Variants in RUFY1 observed in about 807,000 individuals in gnomAD.
RUFY1 encodes the protein RUN and FYVE domain containing 1.
RUFY1 carries 54 observed loss-of-function variants against 94.6 expected under a neutral mutation model. That is an observed-to-expected ratio of 0.57 (90% CI 0.46 to 0.72). The LOEUF (loss-of-function observed/expected upper bound fraction) is 0.72, where lower values mean the gene tolerates loss of function less well. Ranked by LOEUF, RUFY1 falls within the 30% of genes least tolerant of loss-of-function variation. The pLI, the probability that RUFY1 is intolerant of heterozygous loss-of-function variation, is 0.00. For synonymous variants in RUFY1, 396 were observed against 347.3 expected, an observed-to-expected ratio of 1.14 and a Z score of -1.56; for missense variants, 883 against 883.9, an observed-to-expected ratio of 1.00 and a Z score of 0.01.
At chr5:179,580,543 GT>G (rs899952426) in intron 6 of RUFY1, among the ~76,000 whole-genome samples, 3 of 134,608 alleles carry the variant, frequency 2.2e-5, no homozygotes, top group African/African-American at 8.0e-5. Flanking sequence ...CGCCTGGCCA[GT>G]TTTTTTTGTT....
At chr5:179,598,655 C>A (rs776394339) in intron 13 of RUFY1, 37 bp from the exon 14 acceptor site, 8 of 1,611,344 alleles carry the variant, frequency 5.0e-6, no homozygotes, top group Admixed American at 1.7e-5. Context: ...TGAAAGTCTC[C>A]CACTGAGACT....
chr5:179,562,428 T>C, intron 2 of RUFY1, 119 bp from the exon 3 acceptor site: 3 of 695,902 alleles, frequency 4.3e-6, no homozygotes, highest in South Asian at 3.4e-5. Context: ...TAAAAAAGGA[T>C]TAAGCAGTGA....
chr5:179,609,339 C>T (rs1767477562), intron 17 of RUFY1, 37 bp from the exon 18 acceptor site: 2 of 1,603,162 alleles, frequency 1.2e-6, no homozygotes, highest in Non-Finnish European at 1.7e-6. Flanking sequence ...TGGCTTTTCC[C>T]CGGGTGTCCT....
chr5:179,557,927 G>A (rs1279054295), intron 1 of RUFY1, among the ~76,000 whole-genome samples: 2 of 152,108 alleles, frequency 1.3e-5, no homozygotes, highest in Admixed American at 6.5e-5. Context: ...CCAGGTCACC[G>A]TATCAAGAGG....
chr5:179,596,760 C>G (rs1235604303), intron 13 of RUFY1, 79 bp downstream of exon 13: 2 of 936,058 alleles, frequency 2.1e-6, no homozygotes, highest in East Asian at 9.9e-5. Flanking sequence ...TGGTATCCTG[C>G]TTCAGCACGA....
At chr5:179,585,428 A>G (rs1005225372) in intron 7 of RUFY1, among the ~76,000 whole-genome samples, 32 of 151,996 alleles carry the variant, frequency 2.1e-4, no homozygotes, top group Non-Finnish European at 3.4e-4. Context: ...AATACAAAAA[A>G]ATTAGCCAGG....
Position 179,591,663 on chromosome 5 carries a change from C to A in RUFY1, c.1167C>A (p.Tyr389Ter). 1 of 1,613,264 alleles carries A rather than the reference C, an allele frequency of 6.2e-7. No individual in the cohort carries two copies. Among genetic ancestry groups the A allele is most frequent in the South Asian group, 1.1e-5 (1 of 90,912 alleles). ...ATACCAAAGTTGAGCTGGAGACTTA[C>A]AAGCAAACTCGGCAAGGTCTGGATG... ...KQDTKVELET[Y>*]KQTRQGLDEM... The change falls in exon 10 of 18, where the codon TAC becomes TAA. Residue 389 changes from tyrosine to a stop codon, truncating the protein, a stop_gained. Coordinates refer to ENST00000319449, the MANE Select transcript of RUFY1 (RefSeq NM_025158.5). LOFTEE classifies it high-confidence loss of function.
chr5:179,580,903 C>T, intron 6 of RUFY1, 44 bp from the exon 7 acceptor site: 1 of 1,070,026 alleles, frequency 9.3e-7, no homozygotes, highest in South Asian at 1.3e-5. Context: ...AAGTATTAAC[C>T]ATTAATAAAA....
rs1387616215 is a variant in RUFY1, at chr5:179,598,710, A to C, written c.1650A>C (p.Glu550Asp). 1 of 1,614,102 alleles carries C rather than the reference A, an allele frequency of 6.2e-7. No homozygotes were observed. The highest frequency in any genetic ancestry group is 1.3e-5 in the African/African-American group (1 of 74,928). The change falls in exon 14 of 18, where the codon GAA becomes GAC. Residue 550 changes from glutamate (E) to aspartate (D), a missense_variant. Transcript: ENST00000319449. ...AAAACAGCTCAAGCCTGGAGAAAGAATTGAAATCAGAAAAAGAGCAAAGAC... is the reference window on the plus strand; with the variant it reads ...AAAACAGCTCAAGCCTGGAGAAAGACTTGAAATCAGAAAAAGAGCAAAGAC... Reference protein sequence around the residue: ...LHEQCSSLEKELKSEKEQRQA... With the variant: ...LHEQCSSLEKDLKSEKEQRQA...
chr5:179,562,491 C>T, intron 2 of RUFY1, 56 bp from the exon 3 acceptor site: 1 of 978,478 alleles, frequency 1.0e-6, no homozygotes, highest in Non-Finnish European at 1.6e-6. Context: ...GCTGTGGGTC[C>T]CTGAAGAAAT....
chr5:179,555,621 C>CCTT (rs1762074552), intron 1 of RUFY1: 1 of 231,616 alleles, frequency 4.3e-6, no homozygotes, highest in African/African-American at 4.7e-5. Context: ...AAACTCCCAA[C>CCTT]TTTTTTTTTT....
At chr5:179,562,404 T>A (rs1762523584) in intron 2 of RUFY1, 143 bp from the exon 3 acceptor site, 2 of 634,010 alleles carry the variant, frequency 3.2e-6, no homozygotes, top group South Asian at 3.7e-5. Flanking sequence ...AGACTCCATC[T>A]CAAAAAAGAT....
chr5:179,596,272 C>T (rs1465731490), intron 12 of RUFY1: 2 of 450,896 alleles, frequency 4.4e-6, no homozygotes, highest in Non-Finnish European at 8.1e-6. Context: ...GAGAAAAAGT[C>T]AGTCTCAAGG....
intron 10 of RUFY1, 31 bp downstream of exon 10, chr5:179,591,772 A>G (rs202117151): frequency 5.4e-5 from 69 of 1,285,042 alleles, no homozygotes; most frequent in Non-Finnish European, 7.2e-5. Flanking sequence ...GTCTTTAGAA[A>G]GAGTTTCCCC....
intron 4 of RUFY1, among the ~76,000 whole-genome samples, chr5:179,568,076 C>A (rs987596490): frequency 6.6e-6 from 1 of 152,096 alleles, no homozygotes; most frequent in African/African-American, 2.4e-5. Flanking sequence ...AAAACCCCAT[C>A]TCTGCTAAAA....
intron 16 of RUFY1, 113 bp from the exon 17 acceptor site, chr5:179,607,469 G>C (rs935282762): frequency 1.2e-6 from 1 of 824,066 alleles, no homozygotes; most frequent in Non-Finnish European, 2.1e-6. Context: ...GAGAAACAGT[G>C]CCTCACTAGG....
rs56169514 is a variant in RUFY1, at chr5:179,601,817, C to CAA, written c.1762-50_1762-49dup. The CAA allele has an allele frequency of 3.2e-3, 1,664 of 518,764 alleles. 3 individuals carry two copies. The highest frequency in any genetic ancestry group is 6.1e-3 in the South Asian group (341 of 56,314). The allele number at this position is 518,764 out of a possible 1,614,324, so 32.1% of individuals were successfully genotyped here. On this transcript the variant is annotated intron_variant, in intron 14 of 17. Coordinates refer to ENST00000319449, the MANE Select transcript of RUFY1 (RefSeq NM_025158.5). ...CTGGCAACAGAGCAAGACCCTGTCT[C>CAA]AAAAAAAAAAAAAAAAAAAAAAAAA...
intron 5 of RUFY1, among the ~76,000 whole-genome samples, chr5:179,570,749 G>A (rs1763168939): frequency 6.6e-6 from 1 of 151,696 alleles, no homozygotes; most frequent in Non-Finnish European, 1.5e-5. Context: ...TCCATGTGCA[G>A]GTCAGTGTTT....
At chr5:179,581,985 T>G (rs72824515) in intron 7 of RUFY1, among the ~76,000 whole-genome samples, 13,575 of 152,002 alleles carry the variant, frequency 0.089, 698 homozygotes, top group Middle Eastern at 0.13. Flanking sequence ...ACACCCAGCC[T>G]GAGGCTCTTC....
Sources: allele counts gnomAD v4.1 joint callset (sites outside exome capture counted in the v4.1 genomes callset), GRCh38; gene constraint gnomAD v4.1.1; transcripts MANE v1.5; gene names NCBI Gene and HGNC (gene_info 2026-07-23, HGNC 2026-07-21).